ARHGEF12: variants seen among roughly 807,000 people sequenced by gnomAD.
ARHGEF12 encodes the protein KMT2A/ARHGEF12 fusion protein.
ARHGEF12 carries 66 observed loss-of-function variants against 211.2 expected under a neutral mutation model. The observed-to-expected ratio is 0.31, with a 90% CI of 0.26 to 0.38. ARHGEF12 has a LOEUF of 0.38. Ranked by LOEUF, ARHGEF12 falls within the 10% of genes least tolerant of loss-of-function variation. ARHGEF12 has a pLI of 1.00. For missense variants in ARHGEF12, 1,429 were observed against 1,869.5 expected, an observed-to-expected ratio of 0.76 and a Z score of 4.34; for synonymous variants, 592 against 638.4, an observed-to-expected ratio of 0.93 and a Z score of 1.09.
chr11:120,485,013 T>C, intron 40 of ARHGEF12, 54 bp from the exon 41 acceptor site: 1 of 1,566,870 alleles, frequency 6.4e-7, no homozygotes, highest in East Asian at 2.3e-5. Flanking sequence ...TTCTTTGCAA[T>C]GTTAGTATAT....
At chr11:120,445,588 A>G in intron 16 of ARHGEF12, 124 bp downstream of exon 16, 1 of 996,180 alleles carries the variant, frequency 1.0e-6, no homozygotes, top group African/African-American at 1.6e-5. Context: ...ACAGAAAGAC[A>G]GTCTATAATA....
chr11:120,476,623 GTCATAGTATTAGA>G, intron 33 of ARHGEF12, 25 bp from the exon 34 acceptor site: 1 of 1,543,468 alleles, frequency 6.5e-7, no homozygotes. Context: ...GCCTCCCCAG[GTCATAGTATTAGA>G]GTAATCTTGT....
intron 4 of ARHGEF12, chr11:120,411,084 T>C (rs1238176339): frequency 6.6e-6 from 1 of 152,194 alleles, no homozygotes; most frequent in Non-Finnish European, 1.5e-5. Flanking sequence ...TTAGCAGTGA[T>C]AGAAACATTA....
intron 1 of ARHGEF12, among the ~76,000 whole-genome samples, chr11:120,343,291 T>C (rs1208108995): frequency 1.3e-5 from 2 of 152,256 alleles, no homozygotes; most frequent in Non-Finnish European, 2.9e-5. Flanking sequence ...TGTATTTTGC[T>C]AATATTAATA....
chr11:120,338,659 A>AAAAAAC (rs1942432500), intron 1 of ARHGEF12, among the ~76,000 whole-genome samples: 1 of 152,198 alleles, frequency 6.6e-6, no homozygotes, highest in Non-Finnish European at 1.5e-5. Context: ...GCTTCTGAGA[A>AAAAAAC]ATCACTTTTA....
chr11:120,419,991 C>G (rs978839364), intron 4 of ARHGEF12, among the ~76,000 whole-genome samples: 3 of 152,202 alleles, frequency 2.0e-5, no homozygotes, highest in Admixed American at 2.0e-4. Context: ...TTCTATTCCT[C>G]TGGCTGGGGC....
chr11:120,354,717 C>T (rs900071446), intron 1 of ARHGEF12, among the ~76,000 whole-genome samples: 1 of 152,072 alleles, frequency 6.6e-6, no homozygotes, highest in African/African-American at 2.4e-5. Context: ...AAAAGAAGCC[C>T]ACCAACTAAA....
At chr11:120,396,835 T>C (rs1944405234) in intron 1 of ARHGEF12, among the ~76,000 whole-genome samples, 1 of 152,218 alleles carries the variant, frequency 6.6e-6, no homozygotes, top group Admixed American at 6.5e-5. Context: ...GGTATGGAAG[T>C]TAAGACTTCA....
At chr11:120,344,265 C>CAAAAAAAAAAA (rs71473103) in intron 1 of ARHGEF12, among the ~76,000 whole-genome samples, 5 of 53,022 alleles carry the variant, frequency 9.4e-5, no homozygotes, top group African/African-American at 2.9e-4. Context: ...GACTCCGTCT[C>CAAAAAAAAAAA]AAAAAAAAAA....
intron 1 of ARHGEF12, among the ~76,000 whole-genome samples, chr11:120,376,499 A>G (rs932803837): frequency 1.3e-5 from 2 of 152,134 alleles, no homozygotes; most frequent in African/African-American, 4.8e-5. Context: ...TATAAAATTC[A>G]CCATTATATT....
intron 1 of ARHGEF12, among the ~76,000 whole-genome samples, chr11:120,397,778 C>G (rs1385256020): frequency 6.6e-6 from 1 of 152,132 alleles, no homozygotes; most frequent in African/African-American, 2.4e-5. Flanking sequence ...TTAAAACCAG[C>G]ACTGTAGTGA....
At position 120,336,922 on chromosome 11, in the gene ARHGEF12, C is replaced by T. The variant is rs1277492448; in HGVS notation, c.-322C>T. On this transcript the variant is annotated 5_prime_UTR_variant, in exon 1 of 41. Transcript: ENST00000397843. ...CCCAGCCCCGGCGGGAGTCCCGGGT[C>T]CCCTTCCCACTGCGCGCGGATTTCC... 1 of 438,172 alleles carries T rather than the reference C, an allele frequency of 2.3e-6. No individual in the cohort carries two copies. Among genetic ancestry groups the T allele is most frequent in the Non-Finnish European group, 4.0e-6 (1 of 249,766 alleles). The allele number at this position is 438,172 out of a possible 1,614,324, so 27.1% of individuals were successfully genotyped here. A position where few individuals can be genotyped will look rare whatever the true frequency, so the allele number is the denominator to read the frequency against.
rs563723321 is a variant in ARHGEF12, at chr11:120,480,357, T to C, written c.4164T>C (p.His1388=). ...GEHFFDAREA[H]SDENPSEGDG... is the part of the protein sequence containing the mutation. The stretch of plus-strand genomic sequence containing the variant: ...ACTTTTTTGATGCCCGTGAAGCACA[T>C]AGTGATGAGAATCCATCAGAAGGTG... Residue 1388 remains histidine (H), a synonymous_variant, in exon 38 of 41, where the codon CAT becomes CAC. Transcript: ENST00000397843. The C allele has an allele frequency of 5.8e-5, 93 of 1,614,096 alleles. 1 individual carries two copies. In the South Asian group the frequency reaches 7.2e-4, roughly 13 times the overall value.
At chr11:120,385,036 A>C (rs1035116379) in intron 1 of ARHGEF12, among the ~76,000 whole-genome samples, 1 of 152,150 alleles carries the variant, frequency 6.6e-6, no homozygotes, top group South Asian at 2.1e-4. Flanking sequence ...TGTACTCAAG[A>C]AGAAAATTAG....
chr11:120,469,819 A>G (rs1946815610), intron 30 of ARHGEF12, among the ~76,000 whole-genome samples: 6 of 152,220 alleles, frequency 3.9e-5, no homozygotes, highest in Admixed American at 3.9e-4. Context: ...GCTACGATAT[A>G]TAACTATGGG....
At chr11:120,379,485 T>C (rs1325116188) in intron 1 of ARHGEF12, among the ~76,000 whole-genome samples, 1 of 151,988 alleles carries the variant, frequency 6.6e-6, no homozygotes, top group African/African-American at 2.4e-5. Context: ...CTCAATCTTA[T>C]GGAAAGCATT....
rs771043189 is a variant in ARHGEF12 at position 120,481,570 on chromosome 11, C to T, written c.4548C>T (p.His1516=). Residue 1516 remains histidine, a synonymous_variant, in exon 39 of 41, where the codon CAC becomes CAT. Coordinates refer to ENST00000397843, the MANE Select transcript of ARHGEF12 (RefSeq NM_015313.3). The part of the protein sequence containing the change: ...YIHKIEADLE[H]LKKVEESYTI... ...ATAAGATAGAGGCTGACCTTGAACA[C>T]TTAAAGGTACCTCATACTTCCACAT... 6.8e-6 allele frequency: 11 copies of T among 1,612,872 alleles called. No homozygotes were observed. The East Asian group carries it at 2.2e-4, about 33-fold the overall frequency.
intron 22 of ARHGEF12, among the ~76,000 whole-genome samples, chr11:120,453,875 G>C (rs1946283982): frequency 6.6e-6 from 1 of 152,246 alleles, no homozygotes; most frequent in East Asian, 1.9e-4. Context: ...GCAGGAATAA[G>C]AAAAAGAGCA....
At chr11:120,341,991 A>G (rs1188936989) in intron 1 of ARHGEF12, among the ~76,000 whole-genome samples, 1 of 152,226 alleles carries the variant, frequency 6.6e-6, no homozygotes, top group Non-Finnish European at 1.5e-5. Context: ...TACAGGGCAG[A>G]TCATGCTTCT....
Sources: allele counts gnomAD v4.1 joint callset (sites outside exome capture counted in the v4.1 genomes callset), GRCh38; gene constraint gnomAD v4.1.1; transcripts MANE v1.5; gene names NCBI Gene and HGNC (gene_info 2026-07-23, HGNC 2026-07-21).